The following KCNH8 variants were observed in gnomAD, a reference collection of about 807,000 sequenced individuals.
KCNH8 encodes the protein potassium voltage-gated channel subfamily H member 8.
In KCNH8, 70 loss-of-function variants were observed where a neutral mutation model predicts 103.6. That is an observed-to-expected ratio of 0.68 (90% CI 0.56 to 0.82). KCNH8 has a LOEUF of 0.82. Ranked by LOEUF, KCNH8 falls within the 40% of genes least tolerant of loss-of-function variation. The probability of loss-of-function intolerance (pLI) is 0.00; values close to 1 mark genes in which losing one functional copy is unlikely to be tolerated. For missense variants in KCNH8, 1,217 were observed against 1,329.9 expected (o/e 0.92, Z 1.32); for synonymous variants, 498 against 489.4 (o/e 1.02, Z -0.23).
intron 11 of KCNH8, among the ~76,000 whole-genome samples, chr3:19,493,220 T>C (rs778590395): frequency 6.6e-6 from 1 of 152,148 alleles, no homozygotes; most frequent in Non-Finnish European, 1.5e-5. Context: ...TGTTTCTTTC[T>C]CTTGCTTAAC....
intron 2 of KCNH8, among the ~76,000 whole-genome samples, chr3:19,260,394 A>G (rs1223880970): frequency 2.0e-5 from 3 of 149,504 alleles, no homozygotes; most frequent in Non-Finnish European, 4.5e-5. Context: ...CTCTTTTACA[A>G]TGAGCTATTC....
chr3:19,256,948 A>G (rs1222661059), intron 2 of KCNH8, among the ~76,000 whole-genome samples: 1 of 152,064 alleles, frequency 6.6e-6, no homozygotes, highest in Non-Finnish European at 1.5e-5. Context: ...CTGTCTGCAG[A>G]TACAGTTGTG....
chr3:19,512,678 T>G (rs546410390), intron 12 of KCNH8, among the ~76,000 whole-genome samples: 4 of 152,124 alleles, frequency 2.6e-5, no homozygotes, highest in Admixed American at 2.6e-4. Flanking sequence ...AAACCTGGTA[T>G]AATGCACCTT....
intron 11 of KCNH8, among the ~76,000 whole-genome samples, chr3:19,461,097 A>G (rs933930050): frequency 2.0e-5 from 3 of 152,184 alleles, no homozygotes; most frequent in African/African-American, 7.2e-5. Flanking sequence ...GTCCAGTTTG[A>G]TAATTACTTT....
At chr3:19,356,533 G>A (rs1261624366) in intron 5 of KCNH8, among the ~76,000 whole-genome samples, 1 of 152,038 alleles carries the variant, frequency 6.6e-6, no homozygotes, top group African/African-American at 2.4e-5. Context: ...TCAACATGGT[G>A]CAAGGTTGCC....
At chr3:19,246,954 T>C (rs752874699) in intron 1 of KCNH8, among the ~76,000 whole-genome samples, 6 of 152,208 alleles carry the variant, frequency 3.9e-5, no homozygotes, top group Non-Finnish European at 7.3e-5. Context: ...AGCAAGATAG[T>C]CTCATAAACA....
intron 3 of KCNH8, among the ~76,000 whole-genome samples, chr3:19,301,559 C>G (rs925844279): frequency 2.0e-5 from 3 of 152,064 alleles, no homozygotes; most frequent in Non-Finnish European, 4.4e-5. Context: ...TCATAGAACA[C>G]TTCTAACACC....
At chr3:19,180,000 A>G (rs184743138) in intron 1 of KCNH8, among the ~76,000 whole-genome samples, 3 of 152,284 alleles carry the variant, frequency 2.0e-5, no homozygotes, top group Non-Finnish European at 4.4e-5. Context: ...CAGAGTACAT[A>G]GGAAAAACTG....
At chr3:19,330,408 T>C (rs2065489759) in intron 3 of KCNH8, among the ~76,000 whole-genome samples, 1 of 152,216 alleles carries the variant, frequency 6.6e-6, no homozygotes, top group South Asian at 2.1e-4. Context: ...CAGAAATTGT[T>C]CATATGAGCT....
intron 11 of KCNH8, among the ~76,000 whole-genome samples, chr3:19,462,789 T>A (rs2067659383): frequency 6.6e-6 from 1 of 152,224 alleles, no homozygotes; most frequent in Middle Eastern, 3.2e-3. Flanking sequence ...AACATTTAAG[T>A]CTTTAATCCA....
intron 15 of KCNH8, among the ~76,000 whole-genome samples, chr3:19,533,151 C>A (rs2069194534): frequency 6.8e-6 from 1 of 147,858 alleles, no homozygotes. Flanking sequence ...TTGCAGTGAG[C>A]TGAGATCGTG....
At chr3:19,280,948 G>A (rs1366992561) in intron 2 of KCNH8, among the ~76,000 whole-genome samples, 1 of 152,052 alleles carries the variant, frequency 6.6e-6, no homozygotes, top group Non-Finnish European at 1.5e-5. Context: ...AAGCAGAAAT[G>A]TCTCAGCACA....
At chr3:19,355,392 C>G (rs2065866479) in intron 5 of KCNH8, among the ~76,000 whole-genome samples, 1 of 152,194 alleles carries the variant, frequency 6.6e-6, no homozygotes, top group African/African-American at 2.4e-5. Flanking sequence ...GGTATATAAC[C>G]AAAGGATTAT....
At chr3:19,243,259 T>C (rs1039216646) in intron 1 of KCNH8, among the ~76,000 whole-genome samples, 2 of 152,170 alleles carry the variant, frequency 1.3e-5, no homozygotes, top group Non-Finnish European at 1.5e-5. Flanking sequence ...TTCTCAATTA[T>C]TGTCTTCTTC....
chr3:19,200,689 T>C (rs1437095020), intron 1 of KCNH8, among the ~76,000 whole-genome samples: 1 of 152,142 alleles, frequency 6.6e-6, no homozygotes, highest in Non-Finnish European at 1.5e-5. Flanking sequence ...TGGTATATAC[T>C]ATTGTCAGTT....
At chr3:19,392,236 C>G (rs1026272868) in intron 6 of KCNH8, among the ~76,000 whole-genome samples, 1 of 150,154 alleles carries the variant, frequency 6.7e-6, no homozygotes, top group East Asian at 2.0e-4. Context: ...TTTCACTACA[C>G]TCCTGCTCTC....
intron 6 of KCNH8, among the ~76,000 whole-genome samples, chr3:19,393,104 A>AG (rs559437658): frequency 1.1e-4 from 16 of 152,080 alleles, no homozygotes; most frequent in African/African-American, 3.9e-4. Flanking sequence ...CCCATTTTAT[A>AG]GGGGGGTTTG....
intron 11 of KCNH8, among the ~76,000 whole-genome samples, chr3:19,504,335 G>A (rs2068650049): frequency 1.3e-5 from 2 of 152,114 alleles, no homozygotes; most frequent in African/African-American, 2.4e-5. Flanking sequence ...AAAAATTAAT[G>A]AGTGGGATCT....
intron 1 of KCNH8, among the ~76,000 whole-genome samples, chr3:19,191,787 A>G (rs1311561283): frequency 6.6e-6 from 1 of 151,580 alleles, no homozygotes; most frequent in Non-Finnish European, 1.5e-5. Flanking sequence ...TCATCCTGCT[A>G]TTTAGTGCTT....
Sources: gnomAD v4.1 joint callset for allele counts (sites outside exome capture counted in the v4.1 genomes callset) on GRCh38, gnomAD v4.1.1 for gene constraint, MANE v1.5 for transcripts, NCBI Gene and HGNC (gene_info 2026-07-23, HGNC 2026-07-21) for gene names.